The following SYT16 variants were observed in gnomAD, a reference collection of about 807,000 sequenced individuals.
The protein encoded by SYT16 is synaptotagmin 16, also known as synaptotagmin-16.
In SYT16, 42 loss-of-function variants were observed where a neutral mutation model predicts 61.4. The observed-to-expected ratio is 0.68, with a 90% CI of 0.53 to 0.89. The LOEUF is 0.89. Ranked by LOEUF, SYT16 falls within the 40% of genes least tolerant of loss-of-function variation. The probability of loss-of-function intolerance (pLI) is 0.00; values close to 1 mark genes in which losing one functional copy is unlikely to be tolerated. For missense variants in SYT16, 804 were observed against 807.3 expected (o/e 1.00, Z 0.05); for synonymous variants, 314 against 302.3 (o/e 1.04, Z -0.40).
At chr14:62,063,878 G>A (rs574675614) in intron 3 of SYT16, among the ~76,000 whole-genome samples, 1 of 152,316 alleles carries the variant, frequency 6.6e-6, no homozygotes, top group South Asian at 2.1e-4. Context: ...GGATGAAGGT[G>A]CCGGAGTACA....
At chr14:62,072,422 A>G (rs745521635) in intron 4 of SYT16, among the ~76,000 whole-genome samples, 2 of 152,156 alleles carry the variant, frequency 1.3e-5, no homozygotes, top group Non-Finnish European at 2.9e-5. Context: ...GATTCATTGC[A>G]AAGAATTGGG....
chr14:61,931,952 G>C (rs772940193), intron 1 of SYT16, among the ~76,000 whole-genome samples: 11 of 152,222 alleles, frequency 7.2e-5, no homozygotes, highest in Non-Finnish European at 1.3e-4. Context: ...AATTGTACCA[G>C]TTTGCAGTAC....
intron 3 of SYT16, among the ~76,000 whole-genome samples, chr14:62,018,494 A>G (rs1254119459): frequency 6.6e-6 from 1 of 151,480 alleles, no homozygotes; most frequent in Non-Finnish European, 1.5e-5. Context: ...TTTTTAGTAG[A>G]TGGGGTTTCA....
intron 1 of SYT16, among the ~76,000 whole-genome samples, chr14:61,891,521 G>A (rs533378067): frequency 5.3e-5 from 8 of 152,168 alleles, no homozygotes; most frequent in Non-Finnish European, 8.8e-5. Flanking sequence ...AATAGCTGCC[G>A]CTGCAGCACT....
chr14:61,910,721 G>T (rs1247892910), intron 1 of SYT16, among the ~76,000 whole-genome samples: 2 of 151,682 alleles, frequency 1.3e-5, no homozygotes, highest in African/African-American at 4.8e-5. Context: ...TAGAGACAGG[G>T]TTTCACTATG....
At chr14:61,987,414 T>C (rs10140290) in intron 2 of SYT16, among the ~76,000 whole-genome samples, 110,622 of 152,112 alleles carry the variant, frequency 0.73, 40,415 homozygotes, top group Admixed American at 0.8. Context: ...AGAAAGATCA[T>C]GAAGTTCATT....
intron 1 of SYT16, among the ~76,000 whole-genome samples, chr14:61,954,879 T>G (rs542120150): frequency 6.6e-5 from 10 of 152,230 alleles, no homozygotes; most frequent in Admixed American, 2.6e-4. Flanking sequence ...AATAATAAAA[T>G]TGCAGAATCT....
At chr14:61,819,591 A>G (rs2045552446) in intron 1 of SYT16, among the ~76,000 whole-genome samples, 1 of 152,248 alleles carries the variant, frequency 6.6e-6, no homozygotes, top group South Asian at 2.1e-4. Flanking sequence ...AGATTAAGAG[A>G]CATAAAATGA....
chr14:62,087,349 G>T (rs1049537746), intron 7 of SYT16, among the ~76,000 whole-genome samples: 4 of 152,206 alleles, frequency 2.6e-5, no homozygotes, highest in Non-Finnish European at 4.4e-5. Flanking sequence ...GGCAGCCTGG[G>T]GCCTGCTGCA....
intron 7 of SYT16, among the ~76,000 whole-genome samples, chr14:62,090,337 C>T (rs901959115): frequency 6.6e-6 from 1 of 152,198 alleles, no homozygotes; most frequent in Non-Finnish European, 1.5e-5. Context: ...TACTTAACAG[C>T]AGCAGCATAT....
At chr14:62,043,412 T>C (rs1241662286) in intron 3 of SYT16, among the ~76,000 whole-genome samples, 1 of 149,288 alleles carries the variant, frequency 6.7e-6, no homozygotes, top group East Asian at 1.9e-4. Flanking sequence ...TCTTTCTTTT[T>C]TTTTTTTTTT....
intron 3 of SYT16, among the ~76,000 whole-genome samples, chr14:62,042,212 A>G (rs2054762047): frequency 6.6e-6 from 1 of 151,960 alleles, no homozygotes; most frequent in African/African-American, 2.4e-5. Flanking sequence ...TATGTTGACC[A>G]GGCTGGTCTT....
chr14:61,938,023 C>T (rs941664116), intron 1 of SYT16, among the ~76,000 whole-genome samples: 96 of 8,832 alleles, frequency 0.011, no homozygotes, highest in Non-Finnish European at 0.013. Flanking sequence ...CCTCCTACCC[C>T]GCAACACACA....
intron 1 of SYT16, among the ~76,000 whole-genome samples, chr14:61,822,010 C>G (rs747072880): frequency 6.6e-6 from 1 of 152,122 alleles, no homozygotes; most frequent in Non-Finnish European, 1.5e-5. Flanking sequence ...TTGGCTAACA[C>G]GATCACAAAG....
intron 1 of SYT16, among the ~76,000 whole-genome samples, chr14:61,825,899 A>G (rs1337617510): frequency 6.6e-6 from 1 of 152,224 alleles, no homozygotes; most frequent in Non-Finnish European, 1.5e-5. Flanking sequence ...AGTGTGGTGG[A>G]CCAAATCAAT....
intron 1 of SYT16, among the ~76,000 whole-genome samples, chr14:61,954,410 T>C (rs1343306059): frequency 6.6e-6 from 1 of 151,948 alleles, no homozygotes; most frequent in Non-Finnish European, 1.5e-5. Flanking sequence ...TGTCGTTATA[T>C]GTTCTGCCTT....
In SYT16 at chr14:61,923,389, C is replaced by A. The variant is rs544205607; in HGVS notation, c.-324-46743C>A. Among the ~76,000 whole-genome samples, 8 of 152,204 alleles carry A rather than the reference C, an allele frequency of 5.3e-5. No homozygotes were observed. The East Asian group carries it at 1.5e-3, about 29-fold the overall frequency. ...TGTATCAGTTAGGACTAAATTCAGC[C>A]ATGTGGCTTGACTTGCATTGTTCTT... On this transcript the variant is annotated intron_variant, in intron 1 of 7. Transcript: ENST00000683842.
At chr14:62,002,080 G>A (rs998174902) in intron 3 of SYT16, among the ~76,000 whole-genome samples, 1 of 151,976 alleles carries the variant, frequency 6.6e-6, no homozygotes, top group Non-Finnish European at 1.5e-5. Flanking sequence ...TGTCTTGGTT[G>A]TTTTGTCTCT....
intron 1 of SYT16, among the ~76,000 whole-genome samples, chr14:61,956,957 CATTT>C (rs2050901356): frequency 6.6e-6 from 1 of 151,466 alleles, no homozygotes; most frequent in Non-Finnish European, 1.5e-5. Flanking sequence ...GATGTCTTTC[CATTT>C]ATTTGTATCT....
Sources: gnomAD v4.1 joint callset for allele counts (sites outside exome capture counted in the v4.1 genomes callset) on GRCh38, gnomAD v4.1.1 for gene constraint, MANE v1.5 for transcripts, NCBI Gene and HGNC (gene_info 2026-07-23, HGNC 2026-07-21) for gene names.